AIMP1: variants seen among roughly 807,000 people sequenced by gnomAD.
AIMP1 encodes the protein aminoacyl tRNA synthetase complex interacting multifunctional protein 1, also known as aminoacyl tRNA synthase complex-interacting multifunctional protein 1.
Under a neutral mutation model 33.1 loss-of-function variants are expected in AIMP1, and 24 were observed. The observed-to-expected ratio is 0.73, with a 90% CI of 0.53 to 1.02. The LOEUF (loss-of-function observed/expected upper bound fraction) is 1.02. AIMP1 is among the 50% of genes least tolerant of loss of function. The pLI is 0.00. For synonymous variants in AIMP1, 120 were observed against 121.5 expected (o/e 0.99, Z 0.08); for missense variants, 367 against 364.8 (o/e 1.01, Z -0.05).
At chr4:106,320,841 TCCCTGCCTGATTC>T (rs1769191643) in intron 1 of AIMP1, among the ~76,000 whole-genome samples, 1 of 152,092 alleles carries the variant, frequency 6.6e-6, no homozygotes, top group Non-Finnish European at 1.5e-5. Context: ...CACTGCAACC[TCCCTGCCTGATTC>T]TCCTGCCTCA....
chr4:106,337,077 A>G (rs1268386588), intron 6 of AIMP1, 40 bp downstream of exon 6: 1 of 1,550,424 alleles, frequency 6.4e-7, no homozygotes, highest in Admixed American at 1.7e-5. Flanking sequence ...TTTCGGAATC[A>G]GTTCTCAAAG....
In AIMP1 at chr4:106,328,152, A is replaced by G. The variant is rs745521386; in HGVS notation, c.300A>G (p.Thr100=). The G allele has an allele frequency of 1.5e-5, 25 of 1,613,528 alleles. No individual in the cohort carries two copies. In the Admixed American group the frequency reaches 3.8e-4, roughly 25 times the overall value. The change falls in exon 4 of 7, where the codon ACA becomes ACG. Residue 100 remains threonine (T), a synonymous_variant. Coordinates refer to ENST00000672341, the MANE Select transcript of AIMP1 (RefSeq NM_001142416.2). ...SMVSENVIQS[T]AVTTVSSGTK... ...TTTCTGAAAATGTGATACAGTCTAC[A>G]GCAGTAACAACCGTATCTTCTGGTA...
intron 4 of AIMP1, among the ~76,000 whole-genome samples, chr4:106,330,957 A>G (rs1561026832): frequency 1.3e-5 from 2 of 152,216 alleles, no homozygotes; most frequent in African/African-American, 4.8e-5. Context: ...ATTTTCAGCA[A>G]ATAAATAAAA....
intron 6 of AIMP1, among the ~76,000 whole-genome samples, chr4:106,339,974 G>A (rs572318791): frequency 1.3e-5 from 2 of 152,300 alleles, no homozygotes; most frequent in Non-Finnish European, 2.9e-5. Flanking sequence ...TTCATAATGT[G>A]TGAGAAAGTT....
chr4:106,320,519 A>G (rs1338750656), intron 1 of AIMP1, among the ~76,000 whole-genome samples: 1 of 152,186 alleles, frequency 6.6e-6, no homozygotes, highest in Non-Finnish European at 1.5e-5. Context: ...ACTTAAAGAC[A>G]TTCACATCAG....
At chr4:106,329,448 G>C (rs556528912) in intron 4 of AIMP1, among the ~76,000 whole-genome samples, 1 of 152,098 alleles carries the variant, frequency 6.6e-6, no homozygotes, top group Non-Finnish European at 1.5e-5. Flanking sequence ...AGACCAAATG[G>C]AGTTATAAGA....
intron 4 of AIMP1, among the ~76,000 whole-genome samples, chr4:106,329,548 G>A (rs924201871): frequency 6.6e-6 from 1 of 151,940 alleles, no homozygotes; most frequent in African/African-American, 2.4e-5. Context: ...GGCCACATGT[G>A]GTTATTAAAG....
intron 6 of AIMP1, among the ~76,000 whole-genome samples, chr4:106,343,982 A>G (rs749950954): frequency 6.6e-6 from 1 of 152,172 alleles, no homozygotes; most frequent in Non-Finnish European, 1.5e-5. Context: ...ACCCATTTTA[A>G]TCAGGTTTCT....
intron 5 of AIMP1, among the ~76,000 whole-genome samples, chr4:106,332,612 T>C (rs1477492118): frequency 7.1e-6 from 1 of 140,010 alleles, no homozygotes; most frequent in Non-Finnish European, 1.6e-5. Flanking sequence ...TATACAGAGA[T>C]ACATATATAT....
Position 106,316,651 on chromosome 4 carries a change from G to C in AIMP1, c.-26+57G>C, listed in dbSNP as rs1244376134. 5.2e-6 allele frequency: 8 copies of C among 1,527,184 alleles called. No individual in the cohort carries two copies. In the East Asian group the frequency reaches 2.0e-4, roughly 37 times the overall value. The allele number at this position is 1,527,184 out of a possible 1,614,324, so 94.6% of individuals were successfully genotyped here. The stretch of plus-strand genomic sequence containing the variant: ...GGGATCGCCGATTGCGATCGTAGGG[G>C]TCTTCCTTCTCTAACTTGCCTCCAG... On this transcript the variant is annotated intron_variant, in intron 1 of 6. Transcript: ENST00000672341.
intron 1 of AIMP1, among the ~76,000 whole-genome samples, chr4:106,318,083 C>G (rs1039399964): frequency 1.3e-5 from 2 of 152,136 alleles, no homozygotes; most frequent in African/African-American, 4.8e-5. Flanking sequence ...TCCTTTAAAC[C>G]CTCCAGGACC....
chr4:106,322,705 G>A (rs979486371), intron 1 of AIMP1, among the ~76,000 whole-genome samples: 1 of 152,048 alleles, frequency 6.6e-6, no homozygotes. Flanking sequence ...GAGTCTGGGC[G>A]CCAGTGCAAT....
At chr4:106,317,908 C>T (rs1769031497) in intron 1 of AIMP1, among the ~76,000 whole-genome samples, 1 of 152,038 alleles carries the variant, frequency 6.6e-6, no homozygotes, top group African/African-American at 2.4e-5. Context: ...AAAAGATGGC[C>T]TTATTGTGAG....
intron 5 of AIMP1, 38 bp downstream of exon 5, chr4:106,331,921 A>C: frequency 1.3e-6 from 2 of 1,558,514 alleles, no homozygotes; most frequent in Middle Eastern, 1.8e-4. Context: ...GTGTACATAC[A>C]ACATTTTCAT....
chr4:106,342,302 G>A (rs2125928498), intron 6 of AIMP1, among the ~76,000 whole-genome samples: 1 of 152,240 alleles, frequency 6.6e-6, no homozygotes, highest in Non-Finnish European at 1.5e-5. Context: ...ATTGCTCTGT[G>A]TAGGACTCCC....
intron 6 of AIMP1, among the ~76,000 whole-genome samples, chr4:106,339,296 C>T (rs1770008657): frequency 6.6e-6 from 1 of 152,080 alleles, no homozygotes. Context: ...TTGGCTGTGT[C>T]CCCACCCAAA....
intron 6 of AIMP1, among the ~76,000 whole-genome samples, chr4:106,341,854 T>C (rs1354171835): frequency 2.6e-5 from 4 of 152,296 alleles, no homozygotes; most frequent in East Asian, 3.9e-4. Flanking sequence ...TTGATAGTAA[T>C]AGTATTAACT....
upstream of AIMP1, chr4:106,316,400 A>G (rs1768879283): frequency 1.4e-6 from 1 of 731,568 alleles, no homozygotes. Flanking sequence ...ATGGAAGACG[A>G]GGAGCGTGGT....
intron 5 of AIMP1, among the ~76,000 whole-genome samples, chr4:106,333,735 T>C (rs1476262064): frequency 3.9e-5 from 6 of 152,180 alleles, no homozygotes; most frequent in Admixed American, 2.0e-4. Flanking sequence ...ATGTGAAAAG[T>C]ATTGATGGTA....
Sources: gnomAD v4.1 joint callset for allele counts (sites outside exome capture counted in the v4.1 genomes callset) on GRCh38, gnomAD v4.1.1 for gene constraint, MANE v1.5 for transcripts, NCBI Gene and HGNC (gene_info 2026-07-23, HGNC 2026-07-21) for gene names.